The following FAR2 variants were observed in gnomAD, a reference collection of about 807,000 sequenced individuals.
FAR2 encodes epididymis secretory protein Li 81.
A neutral mutation model predicts 56.0 loss-of-function variants in FAR2; 19 were observed. The ratio of observed to expected loss-of-function variants is 0.34; its 90% CI spans 0.24 to 0.50. FAR2 has a LOEUF of 0.50. FAR2 is among the 20% of genes least tolerant of loss of function. The pLI, the probability that FAR2 is intolerant of heterozygous loss-of-function variation, is 0.98. For missense variants in FAR2, 508 were observed against 642.2 expected (o/e 0.79, Z 2.26); for synonymous variants, 219 against 218.8 (o/e 1.00, Z -0.01).
In FAR2 at chr12:29,333,852, CTG is replaced by C; in HGVS notation, c.*61_*62del. ...TCTCAGATACCTCTAAAACAGCAAA[CTG>C]TGATTCTCAAGATTAGAAAGTAACA... On this transcript the variant is annotated 3_prime_UTR_variant, in exon 12 of 12. Coordinates refer to ENST00000536681, the MANE Select transcript of FAR2 (RefSeq NM_001271783.2). 6 of 1,484,178 alleles carry C rather than the reference CTG, an allele frequency of 4.0e-6. No individual in the cohort carries two copies. Among genetic ancestry groups the C allele is most frequent in the Non-Finnish European group, 5.6e-6 (6 of 1,080,642 alleles). The allele number at this position is 1,484,178 out of a possible 1,614,324, so 91.9% of individuals were successfully genotyped here.
chr12:29,269,352 C>G (rs1297187734), intron 1 of FAR2, among the ~76,000 whole-genome samples: 2 of 152,220 alleles, frequency 1.3e-5, no homozygotes, highest in Non-Finnish European at 2.9e-5. Flanking sequence ...AGCTCACTGG[C>G]AGTCAGAGTT....
At chr12:29,303,262 G>A (rs1949205568) in intron 4 of FAR2, among the ~76,000 whole-genome samples, 1 of 152,116 alleles carries the variant, frequency 6.6e-6, no homozygotes, top group Non-Finnish European at 1.5e-5. Flanking sequence ...TTTTCCCAGG[G>A]GCCCTGTGTA....
rs140807813 is a variant in FAR2 at position 29,245,286 on chromosome 12, G to A, written c.-38-25126G>A. 2.0e-3 allele frequency among the ~76,000 whole-genome samples: 305 copies of A among 152,242 alleles called. 1 individual carries two copies. The highest frequency in any genetic ancestry group is 6.8e-3 in the Middle Eastern group (2 of 294). ...TGAGCCACTGCGCCTGGCCCTGTCT[G>A]CCCTTTTAAAGTAAGTCTTCCCAAT... On this transcript the variant is annotated intron_variant, in intron 1 of 11. Coordinates refer to ENST00000536681, the MANE Select transcript of FAR2 (RefSeq NM_001271783.2).
rs1025084028 is a variant in FAR2, at chr12:29,289,919, G to A, written c.190-3381G>A. Among the ~76,000 whole-genome samples, 7 of 152,082 alleles carry A rather than the reference G, an allele frequency of 4.6e-5. No homozygotes were observed. In the East Asian group the frequency reaches 9.6e-4, roughly 21 times the overall value. On this transcript the variant is annotated intron_variant, in intron 2 of 11. Transcript: ENST00000536681. ...ATTTCTCAAAAGAAGACATACAAAA[G>A]ACAAACAGGCATATAAAAAGGTGCT...
intron 1 of FAR2, among the ~76,000 whole-genome samples, chr12:29,156,014 C>A (rs1392225831): frequency 6.6e-6 from 1 of 151,936 alleles, no homozygotes. Context: ...TAGGTGGAAT[C>A]TAAACATATT....
intron 4 of FAR2, among the ~76,000 whole-genome samples, chr12:29,302,282 G>C (rs376962797): frequency 7.1e-6 from 1 of 140,832 alleles, no homozygotes; most frequent in Non-Finnish European, 1.5e-5. Context: ...TTAAGATATA[G>C]ACTATGTTCC....
At chr12:29,296,620 A>G (rs1187266534) in intron 3 of FAR2, among the ~76,000 whole-genome samples, 3 of 152,250 alleles carry the variant, frequency 2.0e-5, no homozygotes, top group African/African-American at 7.2e-5. Flanking sequence ...GCTCCTTTAA[A>G]AAATGTACTG....
intron 1 of FAR2, among the ~76,000 whole-genome samples, chr12:29,219,960 G>T (rs1947666653): frequency 6.6e-6 from 1 of 152,102 alleles, no homozygotes; most frequent in Non-Finnish European, 1.5e-5. Flanking sequence ...TTATTATTGT[G>T]CTTAAAATCA....
chr12:29,210,948 A>AAC (rs1233932589), intron 1 of FAR2, among the ~76,000 whole-genome samples: 1 of 52,622 alleles, frequency 1.9e-5, no homozygotes, highest in Non-Finnish European at 7.6e-5. Context: ...CTTAAAAACA[A>AAC]AAAAAAAACT....
chr12:29,225,801 T>A (rs949798807), intron 1 of FAR2, among the ~76,000 whole-genome samples: 1 of 152,252 alleles, frequency 6.6e-6, no homozygotes, highest in African/African-American at 2.4e-5. Context: ...CCTCACCTTT[T>A]TTCAATTTCA....
At chr12:29,171,534 ACTGT>A (rs1201518061) in intron 1 of FAR2, 2 of 146,748 alleles carry the variant, frequency 1.4e-5, no homozygotes, top group Non-Finnish European at 3.0e-5. Context: ...CCAGCTGCCC[ACTGT>A]CTGGGATGTG....
At chr12:29,158,393 G>T (rs890651155) in intron 1 of FAR2, among the ~76,000 whole-genome samples, 13 of 152,228 alleles carry the variant, frequency 8.5e-5, no homozygotes, top group Admixed American at 5.2e-4. Context: ...TCTCAAAGCT[G>T]CAGGAATCTT....
chr12:29,302,956 C>T (rs1259479804), intron 4 of FAR2, among the ~76,000 whole-genome samples: 1 of 152,142 alleles, frequency 6.6e-6, no homozygotes, highest in African/African-American at 2.4e-5. Flanking sequence ...AAATTAACTC[C>T]AGATTAGAAC....
chr12:29,240,753 G>A (rs980438336), intron 1 of FAR2, among the ~76,000 whole-genome samples: 12 of 152,058 alleles, frequency 7.9e-5, no homozygotes, highest in East Asian at 1.9e-4. Context: ...ATATATGTAC[G>A]TTTCTCTAAA....
At chr12:29,165,625 A>G (rs1949819178) in intron 1 of FAR2, among the ~76,000 whole-genome samples, 1 of 152,176 alleles carries the variant, frequency 6.6e-6, no homozygotes, top group Non-Finnish European at 1.5e-5. Flanking sequence ...TAAAAGTAGC[A>G]TCATATTTGC....
intron 1 of FAR2, among the ~76,000 whole-genome samples, chr12:29,159,636 C>T (rs76002267): frequency 0.027 from 4,064 of 152,214 alleles, 179 homozygotes; most frequent in African/African-American, 0.09. Flanking sequence ...GATTCACCAC[C>T]GCAAGGCTTG....
intron 1 of FAR2, among the ~76,000 whole-genome samples, chr12:29,173,096 G>A (rs1227947392): frequency 6.6e-6 from 1 of 152,218 alleles, no homozygotes; most frequent in East Asian, 1.9e-4. Context: ...TCCAAGTGAG[G>A]TCAAAGGTTT....
intron 1 of FAR2, among the ~76,000 whole-genome samples, chr12:29,219,389 A>T (rs1406866375): frequency 6.6e-6 from 1 of 152,204 alleles, no homozygotes; most frequent in Non-Finnish European, 1.5e-5. Flanking sequence ...GTGGAACAAT[A>T]TCATAACATA....
intron 1 of FAR2, among the ~76,000 whole-genome samples, chr12:29,186,799 T>A (rs1950047876): frequency 7.8e-6 from 1 of 128,922 alleles, no homozygotes; most frequent in African/African-American, 3.0e-5. Flanking sequence ...TATTTATTTA[T>A]TTATTTTGAG....
Sources: allele counts gnomAD v4.1 joint callset (sites outside exome capture counted in the v4.1 genomes callset), GRCh38; gene constraint gnomAD v4.1.1; transcripts MANE v1.5; gene names NCBI Gene and HGNC (gene_info 2026-07-23, HGNC 2026-07-21).